ATAD3B: variants seen among roughly 807,000 people sequenced by gnomAD.
The protein encoded by ATAD3B is ATPase family AAA domain-containing protein 3B.
ATAD3B carries 59 observed loss-of-function variants against 70.2 expected under a neutral mutation model. That is an observed-to-expected ratio of 0.84 (90% CI 0.68 to 1.04). ATAD3B has a LOEUF of 1.04. ATAD3B is among the 50% of genes least tolerant of loss of function. The probability of loss-of-function intolerance (pLI) is 0.00; values close to 1 mark genes in which losing one functional copy is unlikely to be tolerated. For synonymous variants in ATAD3B, 423 were observed against 388.6 expected (o/e 1.09, Z -1.04); for missense variants, 961 against 913.4 (o/e 1.05, Z -0.67).
In ATAD3B at chr1:1,490,058, G is replaced by T. The variant is rs1481493761; in HGVS notation, c.1338-199G>T. Reference sequence around the variant, plus strand: ...AGAACAGAGGCCCGAGAAGCCGGGCGGGGGGCAGCTGGGCGTGGTGGGGCA... The same window carrying T: ...AGAACAGAGGCCCGAGAAGCCGGGCTGGGGGCAGCTGGGCGTGGTGGGGCA... On this transcript the variant is annotated intron_variant, in intron 13 of 15. Coordinates refer to ENST00000673477, the MANE Select transcript of ATAD3B (RefSeq NM_031921.6). 2.8e-6 allele frequency: 4 copies of T among 1,410,234 alleles called. No homozygotes were observed. The South Asian group carries it at 4.5e-5, about 16-fold the overall frequency. 87.4% of individuals were successfully genotyped at this position (1,410,234 alleles called of 1,614,324 possible). A position where few individuals can be genotyped will look rare whatever the true frequency, so the allele number is the denominator to read the frequency against.
downstream of ATAD3B, among the ~76,000 whole-genome samples, chr1:1,498,596 C>CGG (rs1557438968): frequency 6.6e-6 from 1 of 151,778 alleles, no homozygotes; most frequent in Non-Finnish European, 1.5e-5. Context: ...TTGGTACAGA[C>CGG]GGGGTCTCTC....
At chr1:1,494,970 C>A (rs892536037) in intron 15 of ATAD3B, among the ~76,000 whole-genome samples, 1 of 152,086 alleles carries the variant, frequency 6.6e-6, no homozygotes, top group Non-Finnish European at 1.5e-5. Context: ...GCCACAGCCC[C>A]AGTAGCTCCA....
rs959943278 is a variant in ATAD3B, at chr1:1,490,838, C to T, written c.1614+167C>T. Among the ~76,000 whole-genome samples the T allele has an allele frequency of 2.0e-5, 3 of 152,074 alleles. 1 individual carries two copies. Among genetic ancestry groups the T allele is most frequent in the East Asian group, 1.9e-4 (1 of 5,196 alleles). On this transcript the variant is annotated intron_variant, in intron 15 of 15. Coordinates refer to ENST00000673477, the MANE Select transcript of ATAD3B (RefSeq NM_031921.6). ...CCCCTGCCTCAGTCGGGCCACTCCACGCAGCAGCGTGCACCTGCTCGTGCC... is the reference window on the plus strand; with the variant it reads ...CCCCTGCCTCAGTCGGGCCACTCCATGCAGCAGCGTGCACCTGCTCGTGCC...
chr1:1,500,054 C>T (rs549520551), downstream of ATAD3B, among the ~76,000 whole-genome samples: 18 of 151,204 alleles, frequency 1.2e-4, no homozygotes, highest in East Asian at 1.8e-3. Flanking sequence ...CAGGTGGACA[C>T]GCCCGGCTAA....
At chr1:1,487,546 CTG>C (rs1345842937) in intron 11 of ATAD3B, among the ~76,000 whole-genome samples, 2 of 151,506 alleles carry the variant, frequency 1.3e-5, no homozygotes, top group Non-Finnish European at 2.9e-5. Context: ...CACTGGGTCG[CTG>C]TGTGGGTGAA....
At chr1:1,499,132 C>T (rs1226623226), downstream of ATAD3B, among the ~76,000 whole-genome samples, 12 of 151,900 alleles carry the variant, frequency 7.9e-5, no homozygotes, top group Non-Finnish European at 1.8e-4. Flanking sequence ...CCACCACGCC[C>T]AGCTAATTTT....
chr1:1,478,181 G>A (rs551638045), intron 2 of ATAD3B: 2 of 289,310 alleles, frequency 6.9e-6, no homozygotes, highest in East Asian at 1.5e-4. Flanking sequence ...ATTTTTAGTA[G>A]AGAAGGGGGT....
chr1:1,492,933 C>A (rs574544396), intron 15 of ATAD3B, among the ~76,000 whole-genome samples: 2 of 134,970 alleles, frequency 1.5e-5, no homozygotes, highest in Non-Finnish European at 3.0e-5. Flanking sequence ...AGCGATACTC[C>A]ATCTCCAAAA....
At chr1:1,505,540 T>A in the ATAD3B span, among the ~76,000 whole-genome samples, 2 of 152,278 alleles carry the variant, frequency 1.3e-5, no homozygotes, top group South Asian at 4.1e-4. Context: ...CTTCCCAGTC[T>A]GCTAAGTAGC....
rs566616562 is a variant in ATAD3B at position 1,491,264 on chromosome 1, G to A, written c.1614+593G>A. 3.9e-5 allele frequency among the ~76,000 whole-genome samples: 6 copies of A among 152,156 alleles called. 1 individual carries two copies. In the East Asian group the frequency reaches 1.2e-3, roughly 29 times the overall value. On this transcript the variant is annotated intron_variant, in intron 15 of 15. Transcript: ENST00000673477. Reference sequence around the variant, plus strand: ...AGAGAGCTCTGATCAGGCCGGGCGCGGTGGCTCACGCCTGCAATCCCAGCA... The same window carrying A: ...AGAGAGCTCTGATCAGGCCGGGCGCAGTGGCTCACGCCTGCAATCCCAGCA...
intron 11 of ATAD3B, among the ~76,000 whole-genome samples, chr1:1,486,907 G>A (rs1315538633): frequency 6.6e-6 from 1 of 150,938 alleles, no homozygotes; most frequent in Non-Finnish European, 1.5e-5. Context: ...CAGGGCAGAA[G>A]GGAGGTGGGT....
At chr1:1,479,434 C>G (rs1639780620) in intron 4 of ATAD3B, among the ~76,000 whole-genome samples, 1 of 140,328 alleles carries the variant, frequency 7.1e-6, no homozygotes, top group Non-Finnish European at 1.6e-5. Context: ...CCACACACTC[C>G]CCTGCACACA....
chr1:1,479,921 C>G (rs1181144340), intron 4 of ATAD3B, among the ~76,000 whole-genome samples: 1 of 145,212 alleles, frequency 6.9e-6, no homozygotes, highest in Non-Finnish European at 1.5e-5. Context: ...CGCGCACACA[C>G]CCGGACATGC....
chr1:1,490,449 C>T lies in ATAD3B; in HGVS notation c.1505+25C>T. 1.9e-6 allele frequency: 3 copies of T among 1,612,678 alleles called. 1 individual carries two copies. Among genetic ancestry groups the T allele is most frequent in the Non-Finnish European group, 2.5e-6 (3 of 1,179,370 alleles). ...GGTGAGTGTCCCGCCTCACCCGGCC[C>T]CCAATCCAGGCACCATATGGCATGG... On this transcript the variant is annotated intron_variant, in intron 14 of 15. Coordinates refer to ENST00000673477, the MANE Select transcript of ATAD3B (RefSeq NM_031921.6).
intron 2 of ATAD3B, 152 bp downstream of exon 2, chr1:1,477,502 G>A: frequency 7.4e-7 from 1 of 1,351,788 alleles, no homozygotes; most frequent in South Asian, 1.3e-5. Context: ...TTTCACAGAG[G>A]GAAACAAGGG....
intron 10 of ATAD3B, 142 bp downstream of exon 10, chr1:1,486,377 G>A (rs1640216970): frequency 6.4e-7 from 1 of 1,574,598 alleles, no homozygotes; most frequent in Admixed American, 1.9e-5. Context: ...GTGCTGGTGT[G>A]GGCAGCAGCG....
chr1:1,487,370 C>T (rs2100577767), intron 11 of ATAD3B, among the ~76,000 whole-genome samples: 1 of 151,886 alleles, frequency 6.6e-6, no homozygotes, highest in East Asian at 1.9e-4. Context: ...CACCTGTAGT[C>T]CCAGCTACTC....
rs1463960481 is a variant in ATAD3B at position 1,471,818 on chromosome 1, C to G, written c.-67C>G. 1 of 1,235,352 alleles carries G rather than the reference C, an allele frequency of 8.1e-7. No individual in the cohort carries two copies. Among genetic ancestry groups the G allele is most frequent in the African/African-American group, 1.6e-5 (1 of 63,480 alleles). The allele number at this position is 1,235,352 out of a possible 1,614,324, so 76.5% of individuals were successfully genotyped here. Reference sequence around the variant, plus strand: ...CGGCTCGCGGCGCGTGGAGGCTGCTCCCAGCCGCGCCCGAGTCAGACTCGG... The same window carrying G: ...CGGCTCGCGGCGCGTGGAGGCTGCTGCCAGCCGCGCCCGAGTCAGACTCGG... On this transcript the variant is annotated 5_prime_UTR_variant, in exon 1 of 16. Transcript: ENST00000673477.
rs1639761923 is a variant in ATAD3B at position 1,479,202 on chromosome 1, A to G, written c.444+94A>G. ...GTGGGTCAGAGGCCACGGGGCAAGA[A>G]CGATGGGGTTGCTGACGGTGGGTGC... On this transcript the variant is annotated intron_variant, in intron 4 of 15. Transcript: ENST00000673477. The G allele has an allele frequency of 2.1e-6, 3 of 1,424,762 alleles. 1 individual carries two copies. Among genetic ancestry groups the G allele is most frequent in the Admixed American group, 2.0e-5 (1 of 49,584 alleles). 88.3% of individuals were successfully genotyped at this position (1,424,762 alleles called of 1,614,324 possible).
Sources: allele counts gnomAD v4.1 joint callset (sites outside exome capture counted in the v4.1 genomes callset), GRCh38; gene constraint gnomAD v4.1.1; transcripts MANE v1.5; gene names NCBI Gene and HGNC (gene_info 2026-07-23, HGNC 2026-07-21).